Variants in SPIRE1 observed in about 807,000 individuals in gnomAD.
The protein encoded by SPIRE1 is protein spire homolog 1.
SPIRE1 carries 40 observed loss-of-function variants against 94.1 expected under a neutral mutation model. That is an observed-to-expected ratio of 0.43 (90% CI 0.33 to 0.55). SPIRE1 has a LOEUF of 0.55. Ranked by LOEUF, SPIRE1 falls within the 20% of genes least tolerant of loss-of-function variation. The pLI is 0.06. For synonymous variants in SPIRE1, 376 were observed against 371.7 expected (o/e 1.01, Z -0.13); for missense variants, 838 against 975.2 (o/e 0.86, Z 1.87).
At chr18:12,484,218 G>T (rs943438044) in intron 9 of SPIRE1, among the ~76,000 whole-genome samples, 2 of 152,158 alleles carry the variant, frequency 1.3e-5, no homozygotes, top group East Asian at 3.8e-4. Context: ...CCAACTAATG[G>T]AAGCATCTTT....
At chr18:12,581,880 G>A (rs2036266924) in intron 2 of SPIRE1, among the ~76,000 whole-genome samples, 2 of 130,722 alleles carry the variant, frequency 1.5e-5, no homozygotes, top group African/African-American at 2.5e-5. Context: ...AAATCATTAT[G>A]AGAGACTGTT....
At chr18:12,564,789 T>C (rs2035775865) in intron 2 of SPIRE1, among the ~76,000 whole-genome samples, 1 of 152,074 alleles carries the variant, frequency 6.6e-6, no homozygotes, top group Non-Finnish European at 1.5e-5. Flanking sequence ...CCAGGGGACC[T>C]GGTCAGAGGA....
chr18:12,584,780 A>AAT (rs534264423), intron 2 of SPIRE1, among the ~76,000 whole-genome samples: 74 of 151,730 alleles, frequency 4.9e-4, no homozygotes, highest in African/African-American at 1.7e-3. Flanking sequence ...AAAAATAAAT[A>AAT]ATATATATAT....
intron 2 of SPIRE1, among the ~76,000 whole-genome samples, chr18:12,557,365 C>T (rs978727212): frequency 3.3e-5 from 5 of 152,216 alleles, no homozygotes; most frequent in Admixed American, 2.0e-4. Flanking sequence ...GGGAACTCAG[C>T]GCACCCTCTG....
At chr18:12,486,063 G>T in intron 8 of SPIRE1, 63 bp from the exon 9 acceptor site, 1 of 1,273,152 alleles carries the variant, frequency 7.9e-7, no homozygotes, top group Non-Finnish European at 1.1e-6. Context: ...ATACAGAGAG[G>T]ACAAAAAAGG....
rs184761877 is a variant in SPIRE1, at chr18:12,476,384, T to A, written c.1404+3315A>T. 4.5e-3 allele frequency among the ~76,000 whole-genome samples: 676 copies of A among 150,512 alleles called. 8 individuals carry two copies. The highest frequency in any genetic ancestry group is 0.016 in the African/African-American group (642 of 41,094). ...TGAAACCCCATCTCTAATAAAAATA[T>A]AAAAAAATTAGCTGAGCATGGTGGC... On this transcript the variant is annotated intron_variant, in intron 10 of 16. Transcript: ENST00000409402.
At chr18:12,561,968 T>C (rs79162586) in intron 2 of SPIRE1, among the ~76,000 whole-genome samples, 12,936 of 152,284 alleles carry the variant, frequency 0.085, 799 homozygotes, top group Non-Finnish European at 0.13. Flanking sequence ...GGCTGTACAA[T>C]AGTACTATCA....
Position 12,615,342 on chromosome 18 carries a change from AAAAAT to A in SPIRE1, c.372+19715_372+19719del, listed in dbSNP as rs1274361813. On this transcript the variant is annotated intron_variant, in intron 2 of 16. Coordinates refer to ENST00000409402, the MANE Select transcript of SPIRE1 (RefSeq NM_001128626.2). ...AACTCTGTCTCAAAAAAAAAAAAAA[AAAAAT>A]ATATATATATATATATATATATATA... is the stretch of plus-strand genomic sequence containing the variant. 1.4e-4 allele frequency among the ~76,000 whole-genome samples: 8 copies of A among 58,300 alleles called. 1 individual carries two copies. Among genetic ancestry groups the A allele is most frequent in the East Asian group, 8.7e-4 (2 of 2,288 alleles). 38.2% of individuals were successfully genotyped at this position (58,300 alleles called of 152,430 possible). A position where few individuals can be genotyped will look rare whatever the true frequency, so the allele number is the denominator to read the frequency against.
intron 4 of SPIRE1, among the ~76,000 whole-genome samples, chr18:12,523,436 G>A (rs973161083): frequency 6.6e-6 from 1 of 152,064 alleles, no homozygotes; most frequent in Non-Finnish European, 1.5e-5. Context: ...GCAGCAGGAG[G>A]GTTTGAGAAG....
intron 1 of SPIRE1, among the ~76,000 whole-genome samples, chr18:12,644,640 T>C (rs2038173845): frequency 6.6e-6 from 1 of 152,214 alleles, no homozygotes; most frequent in African/African-American, 2.4e-5. Context: ...AAAAACCTGG[T>C]GGAGCACCTA....
intron 2 of SPIRE1, among the ~76,000 whole-genome samples, chr18:12,607,469 CCTTA>C (rs1213830675): frequency 1.3e-5 from 2 of 152,066 alleles, no homozygotes; most frequent in Non-Finnish European, 2.9e-5. Context: ...CTTCAAGTAC[CCTTA>C]CAGTCATGGG....
chr18:12,506,260 C>T lies in SPIRE1; in HGVS notation c.972+217G>A, dbSNP rs62097091. Among the ~76,000 whole-genome samples, 822 of 152,170 alleles carry T rather than the reference C, an allele frequency of 5.4e-3. 5 individuals are homozygous for T. The highest frequency in any genetic ancestry group is 0.018 in the South Asian group (89 of 4,820). On this transcript the variant is annotated intron_variant, in intron 6 of 16. Transcript: ENST00000409402. ...GCAACCTCCACCTCCTGGGTTCAAG[C>T]GATTCTTCTGCCTCAGCCTCCCGAG... is the stretch of plus-strand genomic sequence containing the variant.
intron 4 of SPIRE1, among the ~76,000 whole-genome samples, chr18:12,515,359 C>A (rs1161650748): frequency 2.6e-5 from 4 of 151,626 alleles, no homozygotes; most frequent in Non-Finnish European, 4.4e-5. Flanking sequence ...TCCAAAAAAA[C>A]CAAAAAATTA....
Position 12,584,493 on chromosome 18 carries a change from CA to C in SPIRE1, c.373-37590del, listed in dbSNP as rs201307745. On this transcript the variant is annotated intron_variant, in intron 2 of 16. Coordinates refer to ENST00000409402, the MANE Select transcript of SPIRE1 (RefSeq NM_001128626.2). ...ATTTAAAAGAACCAAAGAAGTATTTCAAAAAATAATGATTATGAACTTGCCT... is the reference window on the plus strand; with the variant it reads ...ATTTAAAAGAACCAAAGAAGTATTTCAAAAATAATGATTATGAACTTGCCT... Among the ~76,000 whole-genome samples the C allele has an allele frequency of 6.6e-3, 997 of 151,886 alleles. 5 individuals are homozygous for C. The highest frequency in any genetic ancestry group is 0.027 in the Middle Eastern group (8 of 294).
chr18:12,564,251 C>T (rs2035759736), intron 2 of SPIRE1, among the ~76,000 whole-genome samples: 1 of 151,976 alleles, frequency 6.6e-6, no homozygotes, highest in African/African-American at 2.4e-5. Flanking sequence ...ATGGAACAGA[C>T]CCAGTGGGCA....
chr18:12,454,497 T>C lies in SPIRE1; in HGVS notation c.1639-14A>G, dbSNP rs780824507. On this transcript the variant is annotated splice_polypyrimidine_tract_variant and intron_variant, in intron 12 of 16. Coordinates refer to ENST00000409402, the MANE Select transcript of SPIRE1 (RefSeq NM_001128626.2). ...GCAGAATTCCTCCTGAAATTCAAAA[T>C]GTCACGTGAATAAGAGATTCCTACC... 9 of 1,613,954 alleles carry C rather than the reference T, an allele frequency of 5.6e-6. No homozygotes were observed. The Admixed American group carries it at 1.5e-4, about 27-fold the overall frequency.
intron 16 of SPIRE1, among the ~76,000 whole-genome samples, chr18:12,451,206 A>G (rs1207231560): frequency 6.6e-6 from 1 of 152,182 alleles, no homozygotes; most frequent in Non-Finnish European, 1.5e-5. Context: ...AAATTCAAGT[A>G]AATTTATCTT....
intron 2 of SPIRE1, among the ~76,000 whole-genome samples, chr18:12,589,027 G>T (rs2036461137): frequency 6.6e-6 from 1 of 152,176 alleles, no homozygotes; most frequent in Admixed American, 6.5e-5. Context: ...TACAGAGATA[G>T]AAAGAATTTT....
chr18:12,661,592 T>G (rs1739040178), upstream of SPIRE1, among the ~76,000 whole-genome samples: 2 of 151,896 alleles, frequency 1.3e-5, no homozygotes, highest in African/African-American at 4.8e-5. Context: ...GCCAACATGG[T>G]GAAACCTCGT....
Sources: gnomAD v4.1 joint callset for allele counts (sites outside exome capture counted in the v4.1 genomes callset) on GRCh38, gnomAD v4.1.1 for gene constraint, MANE v1.5 for transcripts, NCBI Gene and HGNC (gene_info 2026-07-23, HGNC 2026-07-21) for gene names.